The following LRP5 variants were observed in gnomAD, a reference collection of about 807,000 sequenced individuals.
The protein encoded by LRP5 is low-density lipoprotein receptor-related protein 5.
LRP5 carries 62 observed loss-of-function variants against 154.1 expected under a neutral mutation model. The ratio of observed to expected loss-of-function variants is 0.40; its 90% CI spans 0.33 to 0.50. LRP5 has a LOEUF of 0.50. Among genes scored for constraint, LRP5 ranks in the 20% least tolerant of loss-of-function variants. LRP5 has a pLI of 0.55. For missense variants in LRP5, 1,915 were observed against 2,336.7 expected (o/e 0.82, Z 3.72); for synonymous variants, 966 against 1,011.5 (o/e 0.96, Z 0.85).
At chr11:68,406,487 T>C (rs1208291286) in intron 8 of LRP5, 37 bp from the exon 9 acceptor site, 5 of 1,609,894 alleles carry the variant, frequency 3.1e-6, no homozygotes, top group Non-Finnish European at 4.2e-6. Context: ...TGCTGGGCTG[T>C]TGATGTTTAG....
At chr11:68,365,419 G>A (rs561294747) in intron 4 of LRP5, 152 bp from the exon 5 acceptor site, 88 of 1,084,576 alleles carry the variant, frequency 8.1e-5, no homozygotes, top group South Asian at 7.0e-4. Flanking sequence ...AATGGTGCCA[G>A]CGGGGAGGTC....
intron 12 of LRP5, among the ~76,000 whole-genome samples, chr11:68,414,644 G>A (rs1310956178): frequency 6.6e-6 from 1 of 152,122 alleles, no homozygotes; most frequent in Non-Finnish European, 1.5e-5. Context: ...CCTGTTGGCG[G>A]GCTCTTCCCC....
chr11:68,319,072 GTTTTT>G (rs59893808), intron 1 of LRP5, among the ~76,000 whole-genome samples: 1 of 92,246 alleles, frequency 1.1e-5, no homozygotes, highest in Non-Finnish European at 2.1e-5. Flanking sequence ...CTGGCTCCTT[GTTTTT>G]TTTTTTTTTT....
chr11:68,366,271 G>C (rs907350709), intron 5 of LRP5, among the ~76,000 whole-genome samples: 13 of 152,140 alleles, frequency 8.5e-5, no homozygotes, highest in Admixed American at 6.5e-4. Context: ...TGCAGAAGGT[G>C]GTGGGGGACA....
intron 1 of LRP5, among the ~76,000 whole-genome samples, chr11:68,341,922 G>A (rs1426628804): frequency 6.6e-6 from 1 of 152,178 alleles, no homozygotes; most frequent in Non-Finnish European, 1.5e-5. Context: ...TTCAGGCCGT[G>A]TCCTGGGTGT....
At chr11:68,342,083 T>G (rs1270727889) in intron 1 of LRP5, among the ~76,000 whole-genome samples, 1 of 151,920 alleles carries the variant, frequency 6.6e-6, no homozygotes, top group African/African-American at 2.4e-5. Flanking sequence ...TTTTTTTTTT[T>G]TTTAAGCTTT....
At chr11:68,438,794 A>T in intron 20 of LRP5, 112 bp downstream of exon 20, 1 of 895,420 alleles carries the variant, frequency 1.1e-6, no homozygotes. Flanking sequence ...CATGTGGCAG[A>T]CATTGCTAAT....
intron 16 of LRP5, among the ~76,000 whole-genome samples, chr11:68,428,082 T>C (rs1398189608): frequency 2.0e-5 from 3 of 151,822 alleles, no homozygotes; most frequent in African/African-American, 7.3e-5. Flanking sequence ...AACCTCTGCC[T>C]CCCAGGTTCA....
At chr11:68,421,368 C>T (rs2098665528) in intron 13 of LRP5, among the ~76,000 whole-genome samples, 2 of 152,256 alleles carry the variant, frequency 1.3e-5, no homozygotes, top group Admixed American at 6.5e-5. Flanking sequence ...TCACACAGTA[C>T]ACGTTTCTCA....
chr11:68,356,992 A>G (rs558118089), intron 2 of LRP5, among the ~76,000 whole-genome samples: 23 of 150,422 alleles, frequency 1.5e-4, no homozygotes, highest in African/African-American at 5.1e-4. Flanking sequence ...ATGGAGTGCA[A>G]TGGTGCGATT....
In LRP5 at chr11:68,364,195, A is replaced by G. The variant is rs547143863; in HGVS notation, c.883+252A>G. Among the ~76,000 whole-genome samples the G allele has an allele frequency of 4.2e-3, 636 of 151,904 alleles. 3 individuals are homozygous for G. The highest frequency in any genetic ancestry group is 0.015 in the African/African-American group (607 of 41,392). The stretch of plus-strand genomic sequence containing the variant: ...TGCAGAGGACCCCTCTGCAGAGCTC[A>G]TGGGGGCTATTTCAGGCTCAGCAGT... On this transcript the variant is annotated intron_variant, in intron 4 of 22. Transcript: ENST00000294304.
chr11:68,440,068 CT>C (rs1490853329), intron 21 of LRP5, 152 bp downstream of exon 21: 6 of 664,728 alleles, frequency 9.0e-6, no homozygotes, highest in Non-Finnish European at 1.2e-5. Flanking sequence ...AACCCTTCTG[CT>C]TCCTTCTTTA....
In LRP5 at chr11:68,404,423, T is replaced by C. The variant is rs1440351114; in HGVS notation, c.1801+724T>C. On this transcript the variant is annotated intron_variant, in intron 8 of 22. Coordinates refer to ENST00000294304, the MANE Select transcript of LRP5 (RefSeq NM_002335.4). ...GCATTGCCTGCAGTCCTGGGTGAGA[T>C]GCCCGGGTTGACTCTGCTGCCCGTC... The C allele has an allele frequency of 4.0e-6, 2 of 504,130 alleles. No homozygotes were observed. Among genetic ancestry groups the C allele is most frequent in the African/African-American group, 3.8e-5 (2 of 52,026 alleles). 31.2% of individuals were successfully genotyped at this position (504,130 alleles called of 1,614,324 possible).
chr11:68,300,810 C>T, the LRP5 span, among the ~76,000 whole-genome samples: 2 of 149,778 alleles, frequency 1.3e-5, no homozygotes, highest in Non-Finnish European at 3.0e-5. Context: ...ATGTATCTGT[C>T]CAGCCAGGGA....
At chr11:68,369,790 A>G (rs2098633053) in intron 5 of LRP5, among the ~76,000 whole-genome samples, 1 of 152,116 alleles carries the variant, frequency 6.6e-6, no homozygotes, top group African/African-American at 2.4e-5. Flanking sequence ...CTCATGGCTC[A>G]GTGAAGTCGC....
chr11:68,411,738 G>A (rs1344607531), intron 11 of LRP5, 118 bp downstream of exon 11: 5 of 1,111,740 alleles, frequency 4.5e-6, no homozygotes, highest in Non-Finnish European at 6.4e-6. Context: ...GGCAGGAGCT[G>A]TGGCCACACC....
intron 5 of LRP5, among the ~76,000 whole-genome samples, chr11:68,384,281 A>G (rs1270168847): frequency 3.3e-5 from 5 of 152,186 alleles, no homozygotes; most frequent in Non-Finnish European, 5.9e-5. Flanking sequence ...CTGTTGTTTG[A>G]AGGCTGCAGC....
At chr11:68,419,540 A>ATT (rs1264189213) in intron 13 of LRP5, among the ~76,000 whole-genome samples, 99 of 112,864 alleles carry the variant, frequency 8.8e-4, no homozygotes, top group East Asian at 2.7e-3. Context: ...AGCCATTTTA[A>ATT]TTTTTTTTTT....
chr11:68,363,903 C>T lies in LRP5; in HGVS notation c.843C>T (p.Pro281=). ...RKEILSALYS[P]MDIQVLSQER... ...AGATCCTGAGTGCCCTCTACTCACCCATGGACATCCAGGTGCTGAGCCAGG... is the reference window on the plus strand; with the variant it reads ...AGATCCTGAGTGCCCTCTACTCACCTATGGACATCCAGGTGCTGAGCCAGG... The change falls in exon 4 of 23, where the codon CCC becomes CCT. Residue 281 remains proline (P), a synonymous_variant. Coordinates refer to ENST00000294304, the MANE Select transcript of LRP5 (RefSeq NM_002335.4). The T allele has an allele frequency of 6.2e-7, 1 of 1,612,096 alleles. No homozygotes were observed. The highest frequency in any genetic ancestry group is 8.5e-7 in the Non-Finnish European group (1 of 1,179,524).
Sources: gnomAD v4.1 joint callset for allele counts (sites outside exome capture counted in the v4.1 genomes callset) on GRCh38, gnomAD v4.1.1 for gene constraint, MANE v1.5 for transcripts, NCBI Gene and HGNC (gene_info 2026-07-23, HGNC 2026-07-21) for gene names.